Variants in UBR2 observed in about 807,000 individuals in gnomAD.
UBR2 encodes ubiquitin protein ligase E3 component n-recognin 2.
UBR2 carries 92 observed loss-of-function variants against 247.9 expected under a neutral mutation model. The observed-to-expected ratio is 0.37, with a 90% CI of 0.31 to 0.44. The LOEUF (loss-of-function observed/expected upper bound fraction) is 0.44, where lower values mean the gene tolerates loss of function less well. Ranked by LOEUF, UBR2 falls within the 20% of genes least tolerant of loss-of-function variation. The pLI is 1.00. For synonymous variants in UBR2, 672 were observed against 693.5 expected, an observed-to-expected ratio of 0.97 and a Z score of 0.49; for missense variants, 1,613 against 2,112.6, an observed-to-expected ratio of 0.76 and a Z score of 4.64.
chr6:42,582,213 G>A (rs945880898), intron 2 of UBR2, among the ~76,000 whole-genome samples: 14 of 150,916 alleles, frequency 9.3e-5, no homozygotes, highest in Non-Finnish European at 1.6e-4. Flanking sequence ...AACCCGGGAG[G>A]TGGAGCTTGC....
chr6:42,691,387 G>A lies in UBR2; in HGVS notation c.*214G>A, dbSNP rs1582750786. The A allele has an allele frequency of 1.6e-6, 1 of 618,906 alleles. No homozygotes were observed. Among genetic ancestry groups the A allele is most frequent in the Non-Finnish European group, 2.7e-6 (1 of 372,070 alleles). 38.3% of individuals were successfully genotyped at this position (618,906 alleles called of 1,614,324 possible). ...GTGCCCCTCAAATATAATGTCTTGGGTTTTAAGATCGAGCAAGGAGCTTCT... is the reference window on the plus strand; with the variant it reads ...GTGCCCCTCAAATATAATGTCTTGGATTTTAAGATCGAGCAAGGAGCTTCT... On this transcript the variant is annotated 3_prime_UTR_variant, in exon 47 of 47. Coordinates refer to ENST00000372901, the MANE Select transcript of UBR2 (RefSeq NM_001363705.2).
intron 30 of UBR2, among the ~76,000 whole-genome samples, chr6:42,661,152 C>T (rs1313364086): frequency 6.6e-6 from 1 of 151,756 alleles, no homozygotes; most frequent in East Asian, 1.9e-4. Context: ...AAAAAATTAG[C>T]CAGGCGTGGT....
chr6:42,650,752 G>A (rs9367160), intron 23 of UBR2, among the ~76,000 whole-genome samples: 37,359 of 151,916 alleles, frequency 0.25, 5,017 homozygotes, highest in East Asian at 0.45. Flanking sequence ...ACCCCCTAGC[G>A]TTTTGTACAT....
At chr6:42,622,405 G>GT (rs112798050) in intron 11 of UBR2, among the ~76,000 whole-genome samples, 18,738 of 138,702 alleles carry the variant, frequency 0.14, 1,453 homozygotes, top group Middle Eastern at 0.18. Flanking sequence ...TTTTTGGTGG[G>GT]TTTTTTTTTT....
At chr6:42,601,924 C>T (rs1793401313) in intron 4 of UBR2, among the ~76,000 whole-genome samples, 1 of 89,088 alleles carries the variant, frequency 1.1e-5, no homozygotes, top group African/African-American at 4.6e-5. Context: ...GGCTGGAGTA[C>T]AGTGGCACAA....
At chr6:42,647,393 A>C (rs1796830389) in intron 21 of UBR2, among the ~76,000 whole-genome samples, 1 of 148,830 alleles carries the variant, frequency 6.7e-6, no homozygotes. Flanking sequence ...CAGCCTGGCC[A>C]ACACAGTTAA....
At position 42,691,319 on chromosome 6, in the gene UBR2, T is replaced by C. The variant is rs760214520; in HGVS notation, c.*146T>C. 9.2e-5 allele frequency: 101 copies of C among 1,095,606 alleles called. No homozygotes were observed. The highest frequency in any genetic ancestry group is 1.3e-4 in the Non-Finnish European group (98 of 767,310). 67.9% of individuals were successfully genotyped at this position (1,095,606 alleles called of 1,614,324 possible). A position where few individuals can be genotyped will look rare whatever the true frequency, so the allele number is the denominator to read the frequency against. On this transcript the variant is annotated 3_prime_UTR_variant, in exon 47 of 47. Transcript: ENST00000372901. ...TATAGTTTCTGGTTCTGAGGACTGATGAAAATCATCTTCCATCAGCAGATT... is the reference window on the plus strand; with the variant it reads ...TATAGTTTCTGGTTCTGAGGACTGACGAAAATCATCTTCCATCAGCAGATT...
chr6:42,594,966 T>A (rs926475359), intron 4 of UBR2, among the ~76,000 whole-genome samples: 14 of 152,216 alleles, frequency 9.2e-5, no homozygotes, highest in Non-Finnish European at 5.9e-5. Context: ...AATGATTAAA[T>A]CTTTCAATGG....
intron 25 of UBR2, 92 bp from the exon 26 acceptor site, chr6:42,655,529 T>C (rs1476375243): frequency 1.4e-6 from 1 of 703,072 alleles, no homozygotes; most frequent in African/African-American, 1.9e-5. Context: ...GTTTGATTTA[T>C]CTTTTTCAAT....
chr6:42,630,135 G>GTAGT (rs1254051312), intron 11 of UBR2, among the ~76,000 whole-genome samples: 1 of 148,850 alleles, frequency 6.7e-6, no homozygotes, highest in African/African-American at 2.5e-5. Flanking sequence ...AGCAGTAGCA[G>GTAGT]TAGTAGTAGT....
intron 4 of UBR2, among the ~76,000 whole-genome samples, chr6:42,601,075 T>C (rs949341955): frequency 6.6e-6 from 1 of 152,212 alleles, no homozygotes; most frequent in African/African-American, 2.4e-5. Flanking sequence ...TTGGTGGTTG[T>C]CTCTGTTCCA....
chr6:42,594,609 A>G (rs1224734916), intron 4 of UBR2, among the ~76,000 whole-genome samples: 1 of 152,220 alleles, frequency 6.6e-6, no homozygotes, highest in Admixed American at 6.5e-5. Flanking sequence ...TGTGTAGACC[A>G]GTTAACCAAG....
rs765220484 is a variant in UBR2 at position 42,632,659 on chromosome 6, C to T, written c.1389C>T (p.Tyr463=). Residue 463 remains tyrosine, a synonymous_variant, in exon 12 of 47, where the codon TAC becomes TAT. Transcript: ENST00000372901. ...DAQGRFQFER[Y]TALQAFKFRR... ...AGGGCAGATTTCAGTTTGAACGATA[C>T]ACTGCTTTACAAGCCTTCAAATTTA... The T allele has an allele frequency of 6.2e-7, 1 of 1,613,350 alleles. No individual in the cohort carries two copies.
chr6:42,569,367 G>A (rs1790973619), intron 1 of UBR2, among the ~76,000 whole-genome samples: 1 of 152,102 alleles, frequency 6.6e-6, no homozygotes, highest in Admixed American at 6.5e-5. Flanking sequence ...TGGGTGTTAT[G>A]CCTTCTCATT....
At chr6:42,576,522 CTTT>C (rs58739895) in intron 2 of UBR2, among the ~76,000 whole-genome samples, 3 of 86,140 alleles carry the variant, frequency 3.5e-5, no homozygotes, top group East Asian at 3.3e-4. Flanking sequence ...GCCTTTCCCT[CTTT>C]TTTTTTTTTT....
chr6:42,668,914 T>C (rs1361475262), intron 34 of UBR2, among the ~76,000 whole-genome samples: 1 of 148,654 alleles, frequency 6.7e-6, no homozygotes, highest in Non-Finnish European at 1.5e-5. Context: ...TTCTATTTTC[T>C]ATTACTACTT....
chr6:42,683,445 G>A (rs1212176655), intron 43 of UBR2, among the ~76,000 whole-genome samples: 1 of 152,168 alleles, frequency 6.6e-6, no homozygotes, highest in Non-Finnish European at 1.5e-5. Context: ...AGTGTGAAGA[G>A]TAAAATAATG....
intron 11 of UBR2, among the ~76,000 whole-genome samples, chr6:42,632,050 C>T (rs2151950669): frequency 2.1e-5 from 1 of 47,394 alleles, no homozygotes; most frequent in South Asian, 8.1e-4. Context: ...CATGTATTTG[C>T]TTATTTAAAA....
chr6:42,693,419 TA>T lies in UBR2; in HGVS notation c.*2247del, dbSNP rs1483896669. 1 of 152,248 alleles carries T rather than the reference TA, an allele frequency of 6.6e-6. No individual in the cohort carries two copies. The highest frequency in any genetic ancestry group is 1.9e-4 in the East Asian group (1 of 5,206). 9.4% of individuals were successfully genotyped at this position (152,248 alleles called of 1,614,324 possible). A position where few individuals can be genotyped will look rare whatever the true frequency, so the allele number is the denominator to read the frequency against. ...TTTAATAAATTGGCTATAACTTTAA[TA>T]TCTGTGGACAACTTGTAAAATTTGG... On this transcript the variant is annotated 3_prime_UTR_variant, in exon 47 of 47. Coordinates refer to ENST00000372901, the MANE Select transcript of UBR2 (RefSeq NM_001363705.2).
Sources: gnomAD v4.1 joint callset for allele counts (sites outside exome capture counted in the v4.1 genomes callset) on GRCh38, gnomAD v4.1.1 for gene constraint, MANE v1.5 for transcripts, NCBI Gene and HGNC (gene_info 2026-07-23, HGNC 2026-07-21) for gene names.